The following SMARCB1 variants were observed in gnomAD, a reference collection of about 807,000 sequenced individuals.
SMARCB1 encodes SWI/SNF related BAF chromatin remodeling complex subunit B1.
In SMARCB1, 5 loss-of-function variants were observed where a neutral mutation model predicts 49.0. That is an observed-to-expected ratio of 0.10 (90% CI 0.05 to 0.21). The LOEUF (loss-of-function observed/expected upper bound fraction) is 0.21, where lower values mean the gene tolerates loss of function less well. Among genes scored for constraint, SMARCB1 ranks in the 10% least tolerant of loss-of-function variants. The pLI, the probability that SMARCB1 is intolerant of heterozygous loss-of-function variation, is 1.00. For missense variants in SMARCB1, 226 were observed against 509.2 expected (o/e 0.44, Z 5.35); for synonymous variants, 201 against 200.1 (o/e 1.00, Z -0.04).
At chr22:23,791,681 G>A (rs758031121) in intron 1 of SMARCB1, 75 bp from the exon 2 acceptor site, 56 of 1,444,380 alleles carry the variant, frequency 3.9e-5, no homozygotes, top group African/African-American at 7.0e-5. Context: ...GTTGCTTGAT[G>A]CAGTCTGCGC....
In SMARCB1 at chr22:23,788,508, C is replaced by T. The variant is rs34016557; in HGVS notation, c.93+1246C>T. Among the ~76,000 whole-genome samples the T allele has an allele frequency of 6.3e-3, 965 of 152,000 alleles. 4 individuals carry two copies. The highest frequency in any genetic ancestry group is 0.011 in the Non-Finnish European group (720 of 67,960). ...GCAGCCTTGACCTCCTGGGCTCAAG[C>T]GATCCTCCTGCCTCAGCCTCCCAAG... On this transcript the variant is annotated intron_variant, in intron 1 of 8. Coordinates refer to ENST00000644036, the MANE Select transcript of SMARCB1 (RefSeq NM_003073.5).
At chr22:23,815,813 CTG>C (rs756808727) in intron 5 of SMARCB1, 2 of 152,216 alleles carry the variant, frequency 1.3e-5, no homozygotes, top group South Asian at 2.1e-4. Flanking sequence ...TTGGAGGAAA[CTG>C]GGCGCAGTGT....
At chr22:23,806,298 A>G (rs897198682) in intron 5 of SMARCB1, among the ~76,000 whole-genome samples, 1 of 152,216 alleles carries the variant, frequency 6.6e-6, no homozygotes, top group East Asian at 1.9e-4. Flanking sequence ...CATGAACTCC[A>G]CAGTGAGTTT....
intron 1 of SMARCB1, among the ~76,000 whole-genome samples, chr22:23,790,282 C>T (rs1928293896): frequency 6.6e-6 from 1 of 152,212 alleles, no homozygotes; most frequent in African/African-American, 2.4e-5. Flanking sequence ...ACACACAAGC[C>T]AAATAACATA....
In SMARCB1 at chr22:23,837,223, C is replaced by T. The variant is rs1445027972; in HGVS notation, c.*3043C>T. 1.3e-6 allele frequency: 2 copies of T among 1,568,374 alleles called. No individual in the cohort carries two copies. The highest frequency in any genetic ancestry group is 2.7e-5 in the African/African-American group (2 of 73,378). ...GAGTCCTAGACCAGCAGAGCCTGCC[C>T]CAGGCCCCCATCCACAGCCTGGTGG... is the stretch of plus-strand genomic sequence containing the variant. On this transcript the variant is annotated 3_prime_UTR_variant, in exon 9 of 9. Coordinates refer to ENST00000644036, the MANE Select transcript of SMARCB1 (RefSeq NM_003073.5).
intron 7 of SMARCB1, among the ~76,000 whole-genome samples, chr22:23,829,710 T>A (rs1052250876): frequency 4.9e-4 from 75 of 152,226 alleles, no homozygotes; most frequent in Non-Finnish European, 7.8e-4. Flanking sequence ...AATTCACACA[T>A]TTAGAGTATA....
chr22:23,800,432 TC>T (rs1488056273), intron 3 of SMARCB1, among the ~76,000 whole-genome samples: 1 of 152,120 alleles, frequency 6.6e-6, no homozygotes, highest in Non-Finnish European at 1.5e-5. Context: ...GTCTCTTCCT[TC>T]AAAACCCTGG....
intron 6 of SMARCB1, chr22:23,818,137 GGTGTGTGT>G (rs60463265): frequency 0.066 from 8,716 of 132,852 alleles, 337 homozygotes; most frequent in African/African-American, 0.095. Context: ...AAATACTTTG[GGTGTGTGT>G]GTGTGTGTGT....
intron 5 of SMARCB1, chr22:23,804,421 G>T (rs988378322): frequency 6.6e-6 from 1 of 152,120 alleles, no homozygotes; most frequent in African/African-American, 2.4e-5. Flanking sequence ...CTCACCACCT[G>T]AATAATGTTT....
At chr22:23,799,222 C>G (rs1928974467) in intron 3 of SMARCB1, among the ~76,000 whole-genome samples, 1 of 152,024 alleles carries the variant, frequency 6.6e-6, no homozygotes, top group Non-Finnish European at 1.5e-5. Flanking sequence ...CAACGGGCAC[C>G]CAAATGCTCT....
chr22:23,829,459 G>A (rs1183850467), intron 7 of SMARCB1, among the ~76,000 whole-genome samples: 1 of 152,204 alleles, frequency 6.6e-6, no homozygotes, highest in Non-Finnish European at 1.5e-5. Flanking sequence ...GTACAGGGTG[G>A]GGATGAAAAG....
intron 5 of SMARCB1, 117 bp from the exon 6 acceptor site, chr22:23,816,652 TG>T (rs1324758481): frequency 1.0e-6 from 1 of 980,122 alleles, no homozygotes; most frequent in African/African-American, 1.6e-5. Context: ...CCCAGTGCCC[TG>T]GTTGTCCTCT....
chr22:23,832,948 C>T (rs2267043), intron 7 of SMARCB1, among the ~76,000 whole-genome samples: 139,503 of 152,086 alleles, frequency 0.92, 64,133 homozygotes, highest in Middle Eastern at 0.97. Flanking sequence ...TCCGGGGATA[C>T]GGCTTCTGTC....
chr22:23,797,859 TC>T (rs1278523002), intron 3 of SMARCB1, among the ~76,000 whole-genome samples: 2 of 151,974 alleles, frequency 1.3e-5, no homozygotes, highest in African/African-American at 4.8e-5. Flanking sequence ...CCTCAGGTGA[TC>T]CGTCCGCCTC....
chr22:23,802,458 T>G (rs1346298902), intron 4 of SMARCB1: 1 of 151,072 alleles, frequency 6.6e-6, no homozygotes, highest in Admixed American at 6.6e-5. Context: ...CCTTCTGTCT[T>G]CCTTCCCTCT....
chr22:23,793,309 C>A, intron 2 of SMARCB1: 1 of 570,458 alleles, frequency 1.8e-6, no homozygotes, highest in South Asian at 1.8e-5. Context: ...CCCTCTGCCC[C>A]GAGCCAGTGC....
Position 23,837,731 on chromosome 22 carries a change from C to G in SMARCB1, c.*3551C>G. The G allele has an allele frequency of 6.2e-7, 1 of 1,613,996 alleles. No homozygotes were observed. Among genetic ancestry groups the G allele is most frequent in the Non-Finnish European group, 8.5e-7 (1 of 1,180,008 alleles). On this transcript the variant is annotated 3_prime_UTR_variant, in exon 9 of 9. Transcript: ENST00000644036. ...ATGAGCGCCCAAGGCAGGAACGGTGCCTGGAAAGTGAGCAGGCCGAAGAAG... is the reference window on the plus strand; with the variant it reads ...ATGAGCGCCCAAGGCAGGAACGGTGGCTGGAAAGTGAGCAGGCCGAAGAAG...
rs529310859 is a variant in SMARCB1 at position 23,834,446 on chromosome 22, T to C, written c.*266T>C. 7 of 698,264 alleles carry C rather than the reference T, an allele frequency of 1.0e-5. No individual in the cohort carries two copies. The highest frequency in any genetic ancestry group is 9.0e-5 in the South Asian group (6 of 66,718). 43.3% of individuals were successfully genotyped at this position (698,264 alleles called of 1,614,324 possible). On this transcript the variant is annotated 3_prime_UTR_variant, in exon 9 of 9. Transcript: ENST00000644036. Reference sequence around the variant, plus strand: ...TATTTTAGGTTGTGTTTTGTTTTTGTATAGGAGCCCCAGGCAGGGCTAGTA... The same window carrying C: ...TATTTTAGGTTGTGTTTTGTTTTTGCATAGGAGCCCCAGGCAGGGCTAGTA...
At chr22:23,791,653 C>A (rs1350187505) in intron 1 of SMARCB1, 103 bp from the exon 2 acceptor site, 2 of 1,189,140 alleles carry the variant, frequency 1.7e-6, no homozygotes, top group Non-Finnish European at 2.5e-6. Context: ...TGGGGGCCAC[C>A]TCAAGGCCTG....
Sources: gnomAD v4.1 joint callset for allele counts (sites outside exome capture counted in the v4.1 genomes callset) on GRCh38, gnomAD v4.1.1 for gene constraint, MANE v1.5 for transcripts, NCBI Gene and HGNC (gene_info 2026-07-23, HGNC 2026-07-21) for gene names.